The following ITSN1 variants were observed in gnomAD, a reference collection of about 807,000 sequenced individuals.
ITSN1 encodes intersectin-1.
In ITSN1, 58 loss-of-function variants were observed where a neutral mutation model predicts 239.8. That is an observed-to-expected ratio of 0.24 (90% CI 0.20 to 0.30). The LOEUF (loss-of-function observed/expected upper bound fraction) is 0.30, where lower values mean the gene tolerates loss of function less well. Ranked by LOEUF, ITSN1 falls within the 10% of genes least tolerant of loss-of-function variation. The pLI is 1.00. For missense variants in ITSN1, 1,558 were observed against 2,103.3 expected, an observed-to-expected ratio of 0.74 and a Z score of 5.07; for synonymous variants, 780 against 770.8, an observed-to-expected ratio of 1.01 and a Z score of -0.20.
At chr21:33,673,314 C>A (rs763119610) in intron 1 of ITSN1, among the ~76,000 whole-genome samples, 5 of 152,046 alleles carry the variant, frequency 3.3e-5, no homozygotes, top group Non-Finnish European at 7.4e-5. Flanking sequence ...AACTAGAGAT[C>A]TAATATTTAG....
At chr21:33,746,549 T>C (rs948936734) in intron 5 of ITSN1, among the ~76,000 whole-genome samples, 5 of 151,988 alleles carry the variant, frequency 3.3e-5, no homozygotes, top group African/African-American at 7.2e-5. Context: ...ATGTGAAAAG[T>C]TCAATAACTG....
intron 1 of ITSN1, among the ~76,000 whole-genome samples, chr21:33,654,564 T>C (rs891789886): frequency 2.6e-5 from 4 of 152,082 alleles, no homozygotes; most frequent in African/African-American, 9.7e-5. Flanking sequence ...ATCCAATTTC[T>C]TCCTACCTCC....
intron 16 of ITSN1, among the ~76,000 whole-genome samples, 156 bp from the exon 17 acceptor site, chr21:33,794,185 G>C (rs922686091): frequency 6.6e-6 from 1 of 152,074 alleles, no homozygotes; most frequent in South Asian, 2.1e-4. Context: ...GTCAAAATGT[G>C]GTGTGATTCT....
intron 1 of ITSN1, chr21:33,643,504 A>G (rs1350599653): frequency 6.6e-6 from 1 of 151,984 alleles, no homozygotes; most frequent in Non-Finnish European, 1.5e-5. Context: ...TTGCCTTGGG[A>G]TTAGAAAACA....
At chr21:33,718,587 A>G (rs2065302612) in intron 1 of ITSN1, among the ~76,000 whole-genome samples, 2 of 152,006 alleles carry the variant, frequency 1.3e-5, no homozygotes, top group Admixed American at 1.3e-4. Flanking sequence ...TTTTTAATCC[A>G]TGGGAGGTCT....
intron 4 of ITSN1, among the ~76,000 whole-genome samples, chr21:33,726,482 C>T (rs2147152777): frequency 6.6e-6 from 1 of 152,200 alleles, no homozygotes; most frequent in African/African-American, 2.4e-5. Flanking sequence ...TGTCAGTCAT[C>T]TGGGGAAGAA....
chr21:33,767,886 C>T, intron 11 of ITSN1, 58 bp downstream of exon 11: 5 of 967,834 alleles, frequency 5.2e-6, no homozygotes, highest in Non-Finnish European at 8.1e-6. Context: ...TAGAGATTTC[C>T]TATCTCTAAG....
intron 29 of ITSN1, chr21:33,837,010 C>T (rs762603747): frequency 1.2e-5 from 20 of 1,613,406 alleles, no homozygotes; most frequent in African/African-American, 4.0e-5. Flanking sequence ...TCCATCCCCC[C>T]CTCAGGCTTG....
intron 16 of ITSN1, among the ~76,000 whole-genome samples, chr21:33,784,918 C>T (rs1311553522): frequency 1.3e-5 from 2 of 152,218 alleles, no homozygotes; most frequent in African/African-American, 4.8e-5. Flanking sequence ...GCCTTTAGAG[C>T]ATCCACGCTG....
At chr21:33,773,960 G>A (rs745895376) in intron 12 of ITSN1, among the ~76,000 whole-genome samples, 4 of 152,130 alleles carry the variant, frequency 2.6e-5, no homozygotes, top group Non-Finnish European at 4.4e-5. Context: ...GATTACAAGC[G>A]TGAGCCACTG....
intron 1 of ITSN1, among the ~76,000 whole-genome samples, chr21:33,645,164 A>G (rs1006398232): frequency 6.6e-6 from 1 of 152,130 alleles, no homozygotes; most frequent in South Asian, 2.1e-4. Context: ...ATTTGCTAAC[A>G]TTTGTGAGTT....
At chr21:33,791,748 T>C (rs1252914187) in intron 16 of ITSN1, among the ~76,000 whole-genome samples, 4 of 152,188 alleles carry the variant, frequency 2.6e-5, no homozygotes, top group African/African-American at 4.8e-5. Flanking sequence ...CTATCTATTA[T>C]AGTATGTTGA....
intron 1 of ITSN1, among the ~76,000 whole-genome samples, chr21:33,699,947 A>G (rs2091938545): frequency 6.6e-6 from 1 of 151,952 alleles, no homozygotes; most frequent in Non-Finnish European, 1.5e-5. Context: ...TTTTTTGTAG[A>G]GACAGCATCT....
intron 4 of ITSN1, among the ~76,000 whole-genome samples, chr21:33,725,121 T>A (rs56012603): frequency 6.5e-4 from 81 of 125,486 alleles, no homozygotes; most frequent in East Asian, 9.5e-4. Flanking sequence ...AAAAAAAAAA[T>A]TTTTTTTTTT....
At chr21:33,834,957 CAG>C (rs1172053816) in intron 28 of ITSN1, among the ~76,000 whole-genome samples, 1 of 152,136 alleles carries the variant, frequency 6.6e-6, no homozygotes, top group Non-Finnish European at 1.5e-5. Context: ...TGGAAAAGAA[CAG>C]AGCACAGCAG....
intron 1 of ITSN1, among the ~76,000 whole-genome samples, chr21:33,707,639 A>G (rs2146912819): frequency 6.6e-6 from 1 of 152,326 alleles, no homozygotes; most frequent in South Asian, 2.1e-4. Context: ...TGGAAGTGGA[A>G]TCATAGATAT....
At chr21:33,655,069 C>T (rs1398368401) in intron 1 of ITSN1, among the ~76,000 whole-genome samples, 2 of 151,582 alleles carry the variant, frequency 1.3e-5, no homozygotes, top group Non-Finnish European at 2.9e-5. Flanking sequence ...TTATTTTCTC[C>T]ATATAATAAC....
chr21:33,795,549 T>A (rs1251383459), intron 17 of ITSN1, among the ~76,000 whole-genome samples: 1 of 152,154 alleles, frequency 6.6e-6, no homozygotes, highest in African/African-American at 2.4e-5. Flanking sequence ...GCATACTTTC[T>A]TATGGGTATA....
At chr21:33,661,627 C>T (rs145273142) in intron 1 of ITSN1, among the ~76,000 whole-genome samples, 3 of 152,260 alleles carry the variant, frequency 2.0e-5, no homozygotes, top group African/African-American at 7.2e-5. Context: ...TGTGTCCCCA[C>T]CCAAATCTCA....
Sources: allele counts gnomAD v4.1 joint callset (sites outside exome capture counted in the v4.1 genomes callset), GRCh38; gene constraint gnomAD v4.1.1; transcripts MANE v1.5; gene names NCBI Gene and HGNC (gene_info 2026-07-23, HGNC 2026-07-21).